Variants in CPS1 observed in about 807,000 individuals in gnomAD.
The protein encoded by CPS1 is carbamoyl-phosphate synthase [ammonia], mitochondrial.
CPS1 carries 109 observed loss-of-function variants against 174.6 expected under a neutral mutation model. That is an observed-to-expected ratio of 0.62 (90% CI 0.53 to 0.73). The LOEUF (loss-of-function observed/expected upper bound fraction) is 0.73, where lower values mean the gene tolerates loss of function less well. Among genes scored for constraint, CPS1 ranks in the 30% least tolerant of loss-of-function variants. The pLI is 0.00. For synonymous variants in CPS1, 637 were observed against 632.0 expected (o/e 1.01, Z -0.12); for missense variants, 1,689 against 1,821.9 (o/e 0.93, Z 1.33).
chr2:210,568,079 T>C (rs879861752), intron 1 of CPS1, among the ~76,000 whole-genome samples: 4 of 152,080 alleles, frequency 2.6e-5, no homozygotes, highest in East Asian at 3.9e-4. Context: ...AGATGTAACA[T>C]TGAGAAGTTA....
At chr2:210,641,295 T>C (rs1053253840) in intron 24 of CPS1, among the ~76,000 whole-genome samples, 3 of 152,122 alleles carry the variant, frequency 2.0e-5, no homozygotes, top group African/African-American at 7.2e-5. Flanking sequence ...CTTATTTTTA[T>C]TTTTATTTTT....
chr2:210,494,999 G>A (rs923660989), intron 1 of CPS1, among the ~76,000 whole-genome samples: 2 of 152,174 alleles, frequency 1.3e-5, no homozygotes, highest in Non-Finnish European at 2.9e-5. Flanking sequence ...GCCTTTTGGG[G>A]TGGGGTTCTG....
At chr2:210,548,893 G>A (rs559147383) in intron 1 of CPS1, among the ~76,000 whole-genome samples, 1 of 152,060 alleles carries the variant, frequency 6.6e-6, no homozygotes, top group African/African-American at 2.4e-5. Flanking sequence ...TCCTATTTCC[G>A]ATTTCCAGGA....
chr2:210,639,568 C>T (rs1423438837), intron 23 of CPS1, among the ~76,000 whole-genome samples: 3 of 141,882 alleles, frequency 2.1e-5, no homozygotes, highest in African/African-American at 5.3e-5. Flanking sequence ...GCCGAGATTG[C>T]GCCACTGCAG....
intron 8 of CPS1, among the ~76,000 whole-genome samples, 191 bp downstream of exon 8, chr2:210,590,425 G>A (rs1452659900): frequency 6.6e-6 from 1 of 151,940 alleles, no homozygotes; most frequent in Non-Finnish European, 1.5e-5. Flanking sequence ...AGAAAATAGG[G>A]TTTTTCTTCA....
In CPS1 at chr2:210,530,638, C is replaced by T. The variant is rs527488760; in HGVS notation, c.4-26081C>T. ...GGCTGAGGAGGTTATTCAGTTTAAC[C>T]TAAGGTGGTAGTCGTGAGTGGCAGT... On this transcript the variant is annotated intron_variant, in intron 1 of 38. Transcript: ENST00000430249. Among the ~76,000 whole-genome samples, 3 of 152,112 alleles carry T rather than the reference C, an allele frequency of 2.0e-5. No individual in the cohort carries two copies. The South Asian group carries it at 6.2e-4, about 32-fold the overall frequency.
upstream of CPS1, among the ~76,000 whole-genome samples, chr2:210,552,938 A>G (rs1696768581): frequency 6.6e-6 from 1 of 152,052 alleles, no homozygotes. Flanking sequence ...GAGCAAATAA[A>G]ATGAAAGATA....
Position 210,663,103 on chromosome 2 carries a change from G to GTT in CPS1, c.3928-9_3928-8dup. 7 of 1,282,080 alleles carry GTT rather than the reference G, an allele frequency of 5.5e-6. No individual in the cohort carries two copies. The highest frequency in any genetic ancestry group is 2.9e-5 in the African/African-American group (2 of 68,386). 79.4% of individuals were successfully genotyped at this position (1,282,080 alleles called of 1,614,324 possible). On this transcript the variant is annotated intron_variant, in intron 32 of 37. Transcript: ENST00000233072. ...TTTCCCTCACATAATTTTTCTCCCTGTTTTTTTTTTTTCCAACAGGCTCCC... is the reference window on the plus strand; with the variant it reads ...TTTCCCTCACATAATTTTTCTCCCTGTTTTTTTTTTTTTTCCAACAGGCTCCC...
chr2:210,633,206 TG>T (rs1261245840), intron 21 of CPS1, among the ~76,000 whole-genome samples: 2 of 152,142 alleles, frequency 1.3e-5, no homozygotes, highest in Non-Finnish European at 2.9e-5. Flanking sequence ...CTCTCTGGTG[TG>T]GGAAATGCTA....
At chr2:210,503,469 G>A (rs1237074197) in intron 1 of CPS1, among the ~76,000 whole-genome samples, 1 of 152,118 alleles carries the variant, frequency 6.6e-6, no homozygotes, top group Non-Finnish European at 1.5e-5. Context: ...TTTCCAGCAG[G>A]TGTGTGTTCT....
chr2:210,527,950 C>T (rs185437303), intron 1 of CPS1, among the ~76,000 whole-genome samples: 1 of 151,708 alleles, frequency 6.6e-6, no homozygotes, highest in Admixed American at 6.6e-5. Context: ...TGTTAAATTC[C>T]CTAGCATTTG....
At chr2:210,501,400 C>G (rs1695134933) in intron 1 of CPS1, among the ~76,000 whole-genome samples, 2 of 152,196 alleles carry the variant, frequency 1.3e-5, no homozygotes. Flanking sequence ...CTTTTATGCT[C>G]TGCTTCCCTT....
chr2:210,478,893 TTCCCTCCC>T (rs1176401639), intron 1 of CPS1, among the ~76,000 whole-genome samples: 1 of 120,352 alleles, frequency 8.3e-6, no homozygotes, highest in Non-Finnish European at 1.8e-5. Context: ...GAAATAATAT[TTCCCTCCC>T]TCCCTCCCTC....
At chr2:210,490,998 T>A (rs1427249451) in intron 1 of CPS1, among the ~76,000 whole-genome samples, 1 of 152,170 alleles carries the variant, frequency 6.6e-6, no homozygotes, top group East Asian at 1.9e-4. Flanking sequence ...AGGGGCAAAG[T>A]TGGAAAATCC....
intron 21 of CPS1, among the ~76,000 whole-genome samples, chr2:210,624,452 G>T (rs1215776970): frequency 6.6e-6 from 1 of 151,976 alleles, no homozygotes; most frequent in African/African-American, 2.4e-5. Flanking sequence ...ACTAAAAAAT[G>T]GGGCTTATAT....
chr2:210,659,753 A>G (rs954842934), intron 31 of CPS1, among the ~76,000 whole-genome samples: 2 of 152,226 alleles, frequency 1.3e-5, no homozygotes, highest in Admixed American at 6.5e-5. Flanking sequence ...GTAGAGTATC[A>G]CAGTTGCTAG....
chr2:210,497,644 A>G (rs1298142403), intron 1 of CPS1, among the ~76,000 whole-genome samples: 1 of 151,896 alleles, frequency 6.6e-6, no homozygotes. Context: ...AACATGCAGT[A>G]TTTGGTGTTT....
At chr2:210,537,600 T>G (rs1454848006) in intron 1 of CPS1, among the ~76,000 whole-genome samples, 1 of 152,240 alleles carries the variant, frequency 6.6e-6, no homozygotes, top group Non-Finnish European at 1.5e-5. Flanking sequence ...TATGATAGCC[T>G]GATTCCAAGG....
chr2:210,522,520 G>C (rs1219412776), intron 1 of CPS1, among the ~76,000 whole-genome samples: 1 of 151,942 alleles, frequency 6.6e-6, no homozygotes, highest in Non-Finnish European at 1.5e-5. Context: ...ATGTGAGTGA[G>C]ATACTCTGGA....
Sources: gnomAD v4.1 joint callset for allele counts (sites outside exome capture counted in the v4.1 genomes callset) on GRCh38, gnomAD v4.1.1 for gene constraint, MANE v1.5 for transcripts, NCBI Gene and HGNC (gene_info 2026-07-23, HGNC 2026-07-21) for gene names.